The following TEC variants were observed in gnomAD, a reference collection of about 807,000 sequenced individuals.
The protein encoded by TEC is tyrosine-protein kinase Tec.
In TEC, 72 loss-of-function variants were observed where a neutral mutation model predicts 93.0. The observed-to-expected ratio is 0.77, with a 90% CI of 0.64 to 0.94. TEC has a LOEUF of 0.94. Ranked by LOEUF, TEC falls within the 40% of genes least tolerant of loss-of-function variation. The probability of loss-of-function intolerance (pLI) is 0.00; values close to 1 mark genes in which losing one functional copy is unlikely to be tolerated. For missense variants in TEC, 630 were observed against 757.9 expected (o/e 0.83, Z 1.98); for synonymous variants, 249 against 247.7 (o/e 1.01, Z -0.05).
Position 48,137,063 on chromosome 4 carries a change from A to G in TEC, c.*353T>C, listed in dbSNP as rs991687678. On this transcript the variant is annotated 3_prime_UTR_variant, in exon 18 of 18. Coordinates refer to ENST00000381501, the MANE Select transcript of TEC (RefSeq NM_003215.3). ...TGACTCTAATACCCTTCCCCTTCCC[A>G]AATACCCTGGCCTTCAACTGGCATC... 2 of 210,396 alleles carry G rather than the reference A, an allele frequency of 9.5e-6. No homozygotes were observed. The highest frequency in any genetic ancestry group is 1.1e-4 in the Admixed American group (2 of 17,748). 13.0% of individuals were successfully genotyped at this position (210,396 alleles called of 1,614,324 possible). A position where few individuals can be genotyped will look rare whatever the true frequency, so the allele number is the denominator to read the frequency against.
At chr4:48,208,055 C>G (rs758041564) in intron 2 of TEC, among the ~76,000 whole-genome samples, 10 of 152,188 alleles carry the variant, frequency 6.6e-5, no homozygotes, top group Admixed American at 2.6e-4. Flanking sequence ...CATCTGTGGT[C>G]CAGGCAGGCT....
chr4:48,185,788 TCCC>T (rs1560397322), intron 2 of TEC, among the ~76,000 whole-genome samples: 3 of 10,978 alleles, frequency 2.7e-4, no homozygotes, highest in South Asian at 2.1e-3. Context: ...TCCCTCTCCC[TCCC>T]CCTCCCCCTC....
At chr4:48,256,261 C>T (rs4695366) in intron 1 of TEC, among the ~76,000 whole-genome samples, 4 of 151,924 alleles carry the variant, frequency 2.6e-5, no homozygotes, top group Non-Finnish European at 5.9e-5. Context: ...GACAGAAGGG[C>T]TACAATCCAC....
intron 9 of TEC, among the ~76,000 whole-genome samples, chr4:48,152,435 CATAA>C (rs3062030): frequency 0.019 from 2,815 of 149,696 alleles, 63 homozygotes; most frequent in African/African-American, 0.048. Flanking sequence ...GAGATACTAT[CATAA>C]ATAAATAAAT....
chr4:48,242,171 T>C (rs1408558142), intron 1 of TEC, among the ~76,000 whole-genome samples: 4 of 152,240 alleles, frequency 2.6e-5, no homozygotes, highest in Non-Finnish European at 4.4e-5. Flanking sequence ...ATAAGCAATA[T>C]GGACCCACAA....
chr4:48,145,457 C>T lies in TEC; in HGVS notation c.1204G>A (p.Glu402Lys). The T allele has an allele frequency of 6.2e-7, 1 of 1,614,174 alleles. No individual in the cohort carries two copies. The highest frequency in any genetic ancestry group is 8.5e-7 in the Non-Finnish European group (1 of 1,180,032). Residue 402 changes from glutamate to lysine, a missense_variant, in exon 13 of 18, where the codon GAA becomes AAA. Coordinates refer to ENST00000381501, the MANE Select transcript of TEC (RefSeq NM_003215.3). ...AAGTCCTCCTCGCACATTGCACCTTCCCGAATAGCTTTGATTGCGACTTTG... is the reference window on the plus strand; with the variant it reads ...AAGTCCTCCTCGCACATTGCACCTTTCCGAATAGCTTTGATTGCGACTTTG... ...QYKVAIKAIR[E>K]GAMCEEDFIE... is the part of the protein sequence containing the mutation.
At chr4:48,171,586 AC>A in intron 3 of TEC, 137 bp from the exon 4 acceptor site, 1 of 562,354 alleles carries the variant, frequency 1.8e-6, no homozygotes, top group Non-Finnish European at 3.0e-6. Flanking sequence ...TATCCAGAAA[AC>A]CCAGGTTACT....
intron 4 of TEC, 73 bp downstream of exon 4, chr4:48,171,295 T>C: frequency 8.2e-7 from 1 of 1,225,502 alleles, no homozygotes; most frequent in African/African-American, 1.5e-5. Context: ...ACATTAGCTG[T>C]ATTTCTGTCT....
chr4:48,264,371 C>T (rs1724578574), intron 1 of TEC, among the ~76,000 whole-genome samples: 1 of 152,190 alleles, frequency 6.6e-6, no homozygotes, highest in South Asian at 2.1e-4. Context: ...TTCCTCCCTA[C>T]TCCTTCACCC....
chr4:48,139,549 G>C (rs1268325498), intron 15 of TEC, among the ~76,000 whole-genome samples: 2 of 152,148 alleles, frequency 1.3e-5, no homozygotes, highest in Non-Finnish European at 2.9e-5. Flanking sequence ...CATGTAAATG[G>C]TGGAGTATGT....
rs751928188 is a variant in TEC at position 48,138,901 on chromosome 4, T to C, written c.1654+3A>G. On this transcript the variant is annotated splice_donor_region_variant and intron_variant, in intron 16 of 17. Transcript: ENST00000381501. ...GACGGACATGAGGAAACATGGATCT[T>C]ACCAAATGACCAGACATCTGATTTG... 2 of 1,614,232 alleles carry C rather than the reference T, an allele frequency of 1.2e-6. No homozygotes were observed. Among genetic ancestry groups the C allele is most frequent in the Non-Finnish European group, 1.7e-6 (2 of 1,180,022 alleles).
intron 9 of TEC, among the ~76,000 whole-genome samples, chr4:48,155,413 T>G (rs1385519434): frequency 6.6e-6 from 1 of 152,210 alleles, no homozygotes; most frequent in East Asian, 1.9e-4. Flanking sequence ...GTAGGTCTTA[T>G]GGCAAAAGCC....
chr4:48,238,614 T>C (rs1325232245), intron 1 of TEC, among the ~76,000 whole-genome samples: 1 of 151,324 alleles, frequency 6.6e-6, no homozygotes, highest in Non-Finnish European at 1.5e-5. Context: ...AGTGCTGCCC[T>C]AGGAATAGTT....
In TEC at chr4:48,202,081, C is replaced by T. The variant is rs555643495; in HGVS notation, c.139-25895G>A. ...ACGCCATTCTCCTGCCTCAGCCTCC[C>T]GAGTAGCTGGGACTACAGGCGCCCG... is the stretch of plus-strand genomic sequence containing the variant. On this transcript the variant is annotated intron_variant, in intron 2 of 17. Transcript: ENST00000381501. Among the ~76,000 whole-genome samples, 22 of 151,778 alleles carry T rather than the reference C, an allele frequency of 1.4e-4. 1 individual carries two copies. In the South Asian group the frequency reaches 4.6e-3, roughly 32 times the overall value.
chr4:48,169,028 A>G (rs1720993788), intron 5 of TEC, among the ~76,000 whole-genome samples: 1 of 152,206 alleles, frequency 6.6e-6, no homozygotes, highest in African/African-American at 2.4e-5. Context: ...ATGGCTACCC[A>G]AGATAAAGAA....
chr4:48,141,318 G>A, intron 15 of TEC, 37 bp downstream of exon 15: 2 of 1,580,634 alleles, frequency 1.3e-6, no homozygotes, highest in South Asian at 1.1e-5. Context: ...CCAAAAAAAT[G>A]CAAACATCAC....
rs537431221 is a variant in TEC at position 48,174,430 on chromosome 4, A to T, written c.243+1652T>A. 4.6e-5 allele frequency among the ~76,000 whole-genome samples: 7 copies of T among 152,274 alleles called. No homozygotes were observed. The South Asian group carries it at 1.5e-3, about 32-fold the overall frequency. ...TCTCAGTACTTTGGGAGGCTGAGGCAGGCAGATCACTTGAGGCCAGGAGTT... is the reference window on the plus strand; with the variant it reads ...TCTCAGTACTTTGGGAGGCTGAGGCTGGCAGATCACTTGAGGCCAGGAGTT... On this transcript the variant is annotated intron_variant, in intron 3 of 17. Coordinates refer to ENST00000381501, the MANE Select transcript of TEC (RefSeq NM_003215.3).
intron 9 of TEC, 45 bp downstream of exon 9, chr4:48,156,635 A>AAT: frequency 6.4e-7 from 1 of 1,564,766 alleles, no homozygotes; most frequent in Non-Finnish European, 8.7e-7. Flanking sequence ...GGACTCATTA[A>AAT]AATTAATTTG....
At chr4:48,229,723 C>T (rs1723590382) in intron 1 of TEC, among the ~76,000 whole-genome samples, 1 of 151,480 alleles carries the variant, frequency 6.6e-6, no homozygotes, top group South Asian at 2.1e-4. Flanking sequence ...GTGGAGTGAG[C>T]CAGACAGCAC....
Sources: gnomAD v4.1 joint callset for allele counts (sites outside exome capture counted in the v4.1 genomes callset) on GRCh38, gnomAD v4.1.1 for gene constraint, MANE v1.5 for transcripts, NCBI Gene and HGNC (gene_info 2026-07-23, HGNC 2026-07-21) for gene names.